THG1L: variants seen among roughly 807,000 people sequenced by gnomAD.
THG1L encodes tRNA-histidine guanylyltransferase 1 like, also known as probable tRNA(His) guanylyltransferase.
A neutral mutation model predicts 35.2 loss-of-function variants in THG1L; 27 were observed. The observed-to-expected ratio is 0.77, with a 90% CI of 0.57 to 1.06. The LOEUF (loss-of-function observed/expected upper bound fraction) is 1.06, where lower values mean the gene tolerates loss of function less well. THG1L is among the 50% of genes least tolerant of loss of function. THG1L has a pLI of 0.00. For missense variants in THG1L, 377 were observed against 371.8 expected (o/e 1.01, Z -0.12); for synonymous variants, 135 against 132.4 (o/e 1.02, Z -0.14).
intron 1 of THG1L, 75 bp downstream of exon 1, chr5:157,731,706 T>C: frequency 6.6e-7 from 1 of 1,506,578 alleles, no homozygotes; most frequent in East Asian, 2.3e-5. Context: ...TTGCAAGTCC[T>C]CCCGCCCGCT....
chr5:157,737,887 G>A lies in THG1L; in HGVS notation c.628G>A (p.Gly210Arg), dbSNP rs1336309109. The change falls in exon 5 of 6, where the codon GGA (glycine) becomes AGA (arginine). Residue 210 changes from glycine (G) to arginine (R), a missense_variant and splice_region_variant. By Grantham distance (125) the Gly-to-Arg change is moderately radical. Transcript: ENST00000231198. ...TPVQAQGRLQ[G>R]TLAADKNEIL... The stretch of plus-strand genomic sequence containing the variant: ...TTAATATCTATTTTTATTTTCTCAG[G>A]GAACTCTTGCAGCAGACAAGAATGA... 1.9e-6 allele frequency: 3 copies of A among 1,610,370 alleles called. No individual in the cohort carries two copies.
At chr5:157,738,677 T>C (rs1277113049) in intron 5 of THG1L, 1 of 432,612 alleles carries the variant, frequency 2.3e-6, no homozygotes, top group Non-Finnish European at 4.5e-6. Flanking sequence ...GCTCTTTGAG[T>C]TGTTCAAAAC....
In THG1L at chr5:157,739,456, C is replaced by G. The variant is rs778749940; in HGVS notation, c.871C>G (p.Pro291Ala). Reference sequence around the variant, plus strand: ...CGGGGATGCTTTCTGGAAGGAACATCCAGAGATTCTAGATGAAGACAGCTG... The same window carrying G: ...CGGGGATGCTTTCTGGAAGGAACATGCAGAGATTCTAGATGAAGACAGCTG... ...IIGDAFWKEH[P>A]EILDEDS is the part of the protein sequence containing the mutation. The change falls in exon 6 of 6, where the codon CCA becomes GCA. Residue 291 changes from proline to alanine, a missense_variant. Coordinates refer to ENST00000231198, the MANE Select transcript of THG1L (RefSeq NM_017872.5). 6 of 1,613,368 alleles carry G rather than the reference C, an allele frequency of 3.7e-6. No homozygotes were observed. In the South Asian group the frequency reaches 5.5e-5, roughly 15 times the overall value.
intron 2 of THG1L, 128 bp downstream of exon 2, chr5:157,733,172 A>G (rs1760774189): frequency 2.8e-6 from 3 of 1,063,576 alleles, no homozygotes; most frequent in East Asian, 2.5e-5. Flanking sequence ...GAGTACATGT[A>G]TATTTCCTGT....
rs1760713956 is a variant in THG1L at position 157,731,489 on chromosome 5, T to A, written c.49T>A (p.Ser17Thr). ...GGTTCACGATTCCTTGGCCACCATT[T>A]CCATCACTCTGAGACGGTACCTGAG... ...VKVHDSLATI[S>T]ITLRRYLRLG... Residue 17 changes from serine to threonine, a missense_variant, in exon 1 of 6, where the codon TCC becomes ACC. By Grantham distance (58) the Ser-to-Thr change is moderately conservative (BLOSUM62 1). Coordinates refer to ENST00000231198, the MANE Select transcript of THG1L (RefSeq NM_017872.5). The A allele has an allele frequency of 1.4e-5, 23 of 1,610,494 alleles. No individual in the cohort carries two copies. Among genetic ancestry groups the A allele is most frequent in the Non-Finnish European group, 2.0e-5 (23 of 1,178,200 alleles).
intron 2 of THG1L, 52 bp from the exon 3 acceptor site, chr5:157,734,524 T>C (rs1161289363): frequency 3.7e-6 from 6 of 1,603,316 alleles, no homozygotes; most frequent in Non-Finnish European, 5.1e-6. Context: ...TTGAACTAAT[T>C]CCGTGTATTT....
intron 4 of THG1L, among the ~76,000 whole-genome samples, chr5:157,736,771 ATAG>A (rs10602702): frequency 0.34 from 52,254 of 151,844 alleles, 9,145 homozygotes; most frequent in East Asian, 0.54. Context: ...AATGTAGAAA[ATAG>A]TAGTTTCTAC....
chr5:157,740,213 A>G lies in THG1L; in HGVS notation c.*731A>G, dbSNP rs1292623814. 1 of 152,254 alleles carries G rather than the reference A, an allele frequency of 6.6e-6. No individual in the cohort carries two copies. Among genetic ancestry groups the G allele is most frequent in the Non-Finnish European group, 1.5e-5 (1 of 68,050 alleles). The allele number at this position is 152,254 out of a possible 1,614,324, so 9.4% of individuals were successfully genotyped here. A position where few individuals can be genotyped will look rare whatever the true frequency, so the allele number is the denominator to read the frequency against. On this transcript the variant is annotated 3_prime_UTR_variant, in exon 6 of 6. Coordinates refer to ENST00000231198, the MANE Select transcript of THG1L (RefSeq NM_017872.5). ...TTATGTGTATATATGAGAGAAAGAA[A>G]CAAGAATGCGTGAATGAGGATGAAG...
chr5:157,732,822 A>G, intron 1 of THG1L, 46 bp from the exon 2 acceptor site: 1 of 1,609,860 alleles, frequency 6.2e-7, no homozygotes, highest in Non-Finnish European at 8.5e-7. Flanking sequence ...CGTGTTGTTA[A>G]TGACAGGCTT....
chr5:157,734,611 C>G lies in THG1L; in HGVS notation c.404C>G (p.Ser135Cys), dbSNP rs1186222217. The change falls in exon 3 of 6, where the codon TCC becomes TGC. Residue 135 changes from serine to cysteine, a missense_variant. By Grantham distance (112) the Ser-to-Cys change is moderately radical (BLOSUM62 -1). Transcript: ENST00000231198. ...ACTCACGTGGCCTCCCAGTTTGCCT[C>G]CAGCTATGTGTTTTATTGGCGGGAT... Reference protein sequence around the residue: ...FMTHVASQFASSYVFYWRDYF... With the variant: ...FMTHVASQFACSYVFYWRDYF... 1 of 1,614,186 alleles carries G rather than the reference C, an allele frequency of 6.2e-7. No homozygotes were observed. The highest frequency in any genetic ancestry group is 8.5e-7 in the Non-Finnish European group (1 of 1,180,040).
At chr5:157,734,487 G>A (rs2113035804) in intron 2 of THG1L, 89 bp from the exon 3 acceptor site, 1 of 1,498,618 alleles carries the variant, frequency 6.7e-7, no homozygotes, top group Admixed American at 1.8e-5. Context: ...TGTACTCTCT[G>A]TGGTACCCAC....
In THG1L at chr5:157,731,452, C is replaced by T; in HGVS notation, c.12C>T (p.Ala4=). 5.6e-6 allele frequency: 9 copies of T among 1,599,490 alleles called. No individual in the cohort carries two copies. The highest frequency in any genetic ancestry group is 6.8e-6 in the Non-Finnish European group (8 of 1,171,874). ...TTTCCGCGTGTAGAATGTGGGGCGC[C>T]TGTAAAGTTAAGGTTCACGATTCCT... MWG[A]CKVKVHDSLA... is the part of the protein sequence containing the mutation. Residue 4 remains alanine (A), a synonymous_variant, in exon 1 of 6, where the codon GCC becomes GCT. Transcript: ENST00000231198.
In THG1L at chr5:157,731,606, C is replaced by G; in HGVS notation, c.166C>G (p.Arg56Gly). ...CCTGGCACACTGCTGGGTGGTAGTG[C>G]GGCTGGACGGCCGGAATTTCCATCG... Reference protein sequence around the residue: ...TCLAHCWVVVRLDGRNFHRFA... With the variant: ...TCLAHCWVVVGLDGRNFHRFA... Residue 56 changes from arginine to glycine, a missense_variant, in exon 1 of 6, where the codon CGG becomes GGG. Arg to Gly is a moderately radical substitution (Grantham distance 125). Coordinates refer to ENST00000231198, the MANE Select transcript of THG1L (RefSeq NM_017872.5). The G allele has an allele frequency of 6.3e-7, 1 of 1,596,876 alleles. No individual in the cohort carries two copies.
chr5:157,733,085 C>A, intron 2 of THG1L, 41 bp downstream of exon 2: 1 of 1,601,142 alleles, frequency 6.2e-7, no homozygotes, highest in Non-Finnish European at 8.5e-7. Flanking sequence ...AATATTTCCT[C>A]CCAGCATCTG....
rs1760993418 is a variant in THG1L, at chr5:157,740,034, T to C, written c.*552T>C. ...TCGGGGCTTTGTGCCAGTCTCTAAG[T>C]TGGCAACTTTGGCTGAACAAATGAG... On this transcript the variant is annotated 3_prime_UTR_variant, in exon 6 of 6. Transcript: ENST00000231198. 6.6e-6 allele frequency: 1 copy of C among 152,226 alleles called. No individual in the cohort carries two copies. The highest frequency in any genetic ancestry group is 1.5e-5 in the Non-Finnish European group (1 of 68,050). The allele number at this position is 152,226 out of a possible 1,614,324, so 9.4% of individuals were successfully genotyped here. A position where few individuals can be genotyped will look rare whatever the true frequency, so the allele number is the denominator to read the frequency against.
chr5:157,734,890 G>T, intron 3 of THG1L, 145 bp downstream of exon 3: 4 of 864,960 alleles, frequency 4.6e-6, no homozygotes, highest in Non-Finnish European at 6.5e-6. Flanking sequence ...TTTTCAATTA[G>T]TTAAAAGTAT....
intron 5 of THG1L, 65 bp from the exon 6 acceptor site, chr5:157,739,256 T>A: frequency 6.5e-7 from 1 of 1,540,212 alleles, no homozygotes. Flanking sequence ...TATCCCCACA[T>A]CTTTCCTTTC....
At position 157,740,289 on chromosome 5, in the gene THG1L, C is replaced by G. The variant is rs955303508; in HGVS notation, c.*807C>G. 6.6e-6 allele frequency: 1 copy of G among 152,190 alleles called. No homozygotes were observed. 9.4% of individuals were successfully genotyped at this position (152,190 alleles called of 1,614,324 possible). A position where few individuals can be genotyped will look rare whatever the true frequency, so the allele number is the denominator to read the frequency against. On this transcript the variant is annotated 3_prime_UTR_variant, in exon 6 of 6. Coordinates refer to ENST00000231198, the MANE Select transcript of THG1L (RefSeq NM_017872.5). ...CATTTCAGTTTTAAAAGTCACTTTC[C>G]TATTAGACTTCTTGAAAAACATTCT... is the stretch of plus-strand genomic sequence containing the variant.
intron 4 of THG1L, among the ~76,000 whole-genome samples, chr5:157,737,662 C>T (rs1210840861): frequency 6.6e-6 from 1 of 152,166 alleles, no homozygotes; most frequent in African/African-American, 2.4e-5. Context: ...TCCCCACTCC[C>T]TTTCAGTCTT....
Sources: gnomAD v4.1 joint callset for allele counts (sites outside exome capture counted in the v4.1 genomes callset) on GRCh38, gnomAD v4.1.1 for gene constraint, MANE v1.5 for transcripts, NCBI Gene and HGNC (gene_info 2026-07-23, HGNC 2026-07-21) for gene names.